Variants in C11orf65 observed in about 807,000 individuals in gnomAD.
C11orf65 encodes protein MFI.
A neutral mutation model predicts 35.3 loss-of-function variants in C11orf65; 38 were observed. The observed-to-expected ratio is 1.08, with a 90% CI of 0.83 to 1.41. The LOEUF (loss-of-function observed/expected upper bound fraction) is 1.41, where lower values mean the gene tolerates loss of function less well. Among genes scored for constraint, C11orf65 ranks in the 40% most tolerant of loss-of-function variants. C11orf65 has a pLI of 0.00. For synonymous variants in C11orf65, 105 were observed against 114.4 expected, an observed-to-expected ratio of 0.92 and a Z score of 0.53; for missense variants, 370 against 367.1, an observed-to-expected ratio of 1.01 and a Z score of -0.06.
intron 3 of C11orf65, among the ~76,000 whole-genome samples, chr11:108,408,316 A>G (rs2092584604): frequency 6.6e-6 from 1 of 152,198 alleles, no homozygotes; most frequent in South Asian, 2.1e-4. Context: ...ATTATGACTG[A>G]TCAACCTAAA....
At chr11:108,460,926 T>G (rs1317481827) in intron 2 of C11orf65, among the ~76,000 whole-genome samples, 3 of 152,038 alleles carry the variant, frequency 2.0e-5, no homozygotes, top group African/African-American at 7.2e-5. Flanking sequence ...GGTCTCTCCA[T>G]GTTCGTCAGG....
intron 2 of C11orf65, among the ~76,000 whole-genome samples, chr11:108,371,428 GTC>G (rs2091572807): frequency 6.6e-6 from 1 of 152,086 alleles, no homozygotes; most frequent in African/African-American, 2.4e-5. Context: ...TCTACCTTTT[GTC>G]TCTCTGCATT....
At chr11:108,417,711 A>G (rs1156437774) in intron 3 of C11orf65, among the ~76,000 whole-genome samples, 1 of 152,120 alleles carries the variant, frequency 6.6e-6, no homozygotes, top group African/African-American at 2.4e-5. Context: ...GGAGTTGAAC[A>G]ATGAGAATGA....
Position 108,431,851 on chromosome 11 carries a change from A to G in C11orf65, c.82-13T>C, listed in dbSNP as rs1454106969. 1 of 1,421,460 alleles carries G rather than the reference A, an allele frequency of 7.0e-7. No individual in the cohort carries two copies. Among genetic ancestry groups the G allele is most frequent in the South Asian group, 1.5e-5 (1 of 66,646 alleles). 88.1% of individuals were successfully genotyped at this position (1,421,460 alleles called of 1,614,324 possible). A position where few individuals can be genotyped will look rare whatever the true frequency, so the allele number is the denominator to read the frequency against. ...ATATAGCGACATTCTAAAGGTTCAA[A>G]CACAAGATTTCATGATCAAAACTGG... On this transcript the variant is annotated splice_polypyrimidine_tract_variant and intron_variant, in intron 2 of 8. Coordinates refer to ENST00000393084, the MANE Select transcript of C11orf65 (RefSeq NM_152587.5).
intron 3 of C11orf65, among the ~76,000 whole-genome samples, chr11:108,426,029 A>G (rs1166124229): frequency 6.6e-6 from 1 of 152,180 alleles, no homozygotes; most frequent in Non-Finnish European, 1.5e-5. Context: ...TGACAAACCC[A>G]CAGCCAATAC....
intron 3 of C11orf65, among the ~76,000 whole-genome samples, chr11:108,408,916 A>G (rs1413311526): frequency 6.6e-6 from 1 of 151,984 alleles, no homozygotes; most frequent in Non-Finnish European, 1.5e-5. Context: ...AGACAACATT[A>G]ATTTTGCAGA....
At chr11:108,380,835 G>T (rs1297123589), downstream of C11orf65, among the ~76,000 whole-genome samples, 1 of 152,194 alleles carries the variant, frequency 6.6e-6, no homozygotes, top group African/African-American at 2.4e-5. Flanking sequence ...TCCAGGTATG[G>T]ATTTGCCTTT....
At chr11:108,406,997 T>G in intron 4 of C11orf65, 34 bp from the exon 5 acceptor site, 1 of 1,574,884 alleles carries the variant, frequency 6.3e-7, no homozygotes, top group Non-Finnish European at 8.7e-7. Context: ...GCCATTGTAA[T>G]GTAACTACAA....
chr11:108,457,103 C>A (rs2093418825), intron 2 of C11orf65, among the ~76,000 whole-genome samples: 1 of 151,776 alleles, frequency 6.6e-6, no homozygotes, highest in Non-Finnish European at 1.5e-5. Context: ...TCTATGTCAG[C>A]CTGATGGAAC....
In C11orf65 at chr11:108,338,614, C is replaced by T. The variant is rs145768668; in HGVS notation, c.227-3322G>A. On this transcript the variant is annotated intron_variant, in intron 2 of 3. Coordinates refer to the C11orf65 transcript ENST00000524755. ...GGGCTGTGCATGAGCTGTGATCATG[C>T]CACTGCAGTCCAGTCTGGACAACAG... Among the ~76,000 whole-genome samples the T allele has an allele frequency of 1.1e-4, 16 of 151,952 alleles. No homozygotes were observed. In the East Asian group the frequency reaches 3.1e-3, roughly 29 times the overall value.
chr11:108,365,172 C>T lies in C11orf65; in HGVS notation c.226+28036G>A, dbSNP rs1555151422. 6.2e-7 allele frequency: 1 copy of T among 1,614,240 alleles called. No individual in the cohort carries two copies. The highest frequency in any genetic ancestry group is 2.2e-5 in the East Asian group (1 of 44,888). Reference sequence around the variant, plus strand: ...GAGGCCGGAAGATGAAACTGAGCTTCACCCTACTCTGAATGCAGATGACCA... The same window carrying T: ...GAGGCCGGAAGATGAAACTGAGCTTTACCCTACTCTGAATGCAGATGACCA... On this transcript the variant is annotated intron_variant, in intron 2 of 3. Transcript: ENST00000524755.
At chr11:108,354,373 G>T (rs1663140046) in intron 2 of C11orf65, among the ~76,000 whole-genome samples, 1 of 152,112 alleles carries the variant, frequency 6.6e-6, no homozygotes, top group African/African-American at 2.4e-5. Flanking sequence ...GCATATAGAA[G>T]AGACTACATT....
chr11:108,401,721 C>T (rs1484922924), intron 6 of C11orf65, among the ~76,000 whole-genome samples: 1 of 152,140 alleles, frequency 6.6e-6, no homozygotes, highest in Middle Eastern at 3.2e-3. Context: ...TCCGACTGGG[C>T]CAGTACACCT....
chr11:108,448,598 A>C (rs2093301170), intron 2 of C11orf65, among the ~76,000 whole-genome samples: 1 of 152,228 alleles, frequency 6.6e-6, no homozygotes, highest in Non-Finnish European at 1.5e-5. Flanking sequence ...TTCATGCTAA[A>C]AACTCTCAAT....
chr11:108,403,653 G>C (rs143823391), intron 6 of C11orf65, among the ~76,000 whole-genome samples: 1 of 151,876 alleles, frequency 6.6e-6, no homozygotes, highest in Non-Finnish European at 1.5e-5. Flanking sequence ...CTTATATTTA[G>C]ATCTATAATC....
intron 2 of C11orf65, among the ~76,000 whole-genome samples, chr11:108,458,442 T>C (rs965258356): frequency 1.3e-5 from 2 of 150,926 alleles, no homozygotes; most frequent in African/African-American, 2.4e-5. Context: ...AGAGTCAGCA[T>C]GGTCTTCAAA....
chr11:108,314,796 T>C (rs372967661), intron 6 of C11orf65, among the ~76,000 whole-genome samples: 4 of 152,174 alleles, frequency 2.6e-5, no homozygotes, highest in African/African-American at 9.7e-5. Flanking sequence ...ATAAAGTAGC[T>C]TGAGAAAAGA....
chr11:108,405,017 C>T (rs576146078), intron 6 of C11orf65, among the ~76,000 whole-genome samples: 5 of 152,288 alleles, frequency 3.3e-5, no homozygotes, highest in East Asian at 1.9e-4. Flanking sequence ...TAGTAAACAA[C>T]GGGATGTGGC....
At chr11:108,375,954 C>T (rs1332568184) in intron 2 of C11orf65, among the ~76,000 whole-genome samples, 3 of 152,182 alleles carry the variant, frequency 2.0e-5, no homozygotes, top group African/African-American at 7.2e-5. Context: ...CATATATATG[C>T]AACCAATACA....
Sources: gnomAD v4.1 joint callset for allele counts (sites outside exome capture counted in the v4.1 genomes callset) on GRCh38, gnomAD v4.1.1 for gene constraint, MANE v1.5 for transcripts, NCBI Gene and HGNC (gene_info 2026-07-23, HGNC 2026-07-21) for gene names.